The following CNOT7 variants were observed in gnomAD, a reference collection of about 807,000 sequenced individuals.
The protein encoded by CNOT7 is CCR4-NOT transcription complex subunit 7.
A neutral mutation model predicts 37.1 loss-of-function variants in CNOT7; 4 were observed. The observed-to-expected ratio is 0.11, with a 90% CI of 0.05 to 0.25. CNOT7 has a LOEUF of 0.25. CNOT7 is among the 10% of genes least tolerant of loss of function. The pLI, the probability that CNOT7 is intolerant of heterozygous loss-of-function variation, is 1.00. For synonymous variants in CNOT7, 128 were observed against 115.6 expected (o/e 1.11, Z -0.69); for missense variants, 170 against 336.2 (o/e 0.51, Z 3.87).
chr8:17,241,768 A>G (rs1210602194), intron 3 of CNOT7: 1 of 152,226 alleles, frequency 6.6e-6, no homozygotes, highest in Non-Finnish European at 1.5e-5. Flanking sequence ...CCACAGGCTA[A>G]TTGATAAAAA....
chr8:17,227,947 A>C lies in CNOT7; in HGVS notation c.*2773T>G, dbSNP rs1402723609. On this transcript the variant is annotated 3_prime_UTR_variant, in exon 7 of 7. Transcript: ENST00000361272. ...CATCACCATGATTCTGTAGCTTGCCAAGCGGCAATGTGAAACAAGACACAC... is the reference window on the plus strand; with the variant it reads ...CATCACCATGATTCTGTAGCTTGCCCAGCGGCAATGTGAAACAAGACACAC... 6.6e-6 allele frequency: 1 copy of C among 151,966 alleles called. No homozygotes were observed. The highest frequency in any genetic ancestry group is 1.5e-5 in the Non-Finnish European group (1 of 67,844). 9.4% of individuals were successfully genotyped at this position (151,966 alleles called of 1,614,324 possible). A position where few individuals can be genotyped will look rare whatever the true frequency, so the allele number is the denominator to read the frequency against.
At chr8:17,243,233 C>G in intron 2 of CNOT7, 48 bp from the exon 3 acceptor site, 1 of 1,410,878 alleles carries the variant, frequency 7.1e-7, no homozygotes, top group Non-Finnish European at 9.7e-7. Context: ...GTCAAAACTA[C>G]AATCCACACA....
intron 3 of CNOT7, among the ~76,000 whole-genome samples, chr8:17,237,839 G>A (rs1319090844): frequency 1.3e-5 from 2 of 152,218 alleles, no homozygotes; most frequent in Non-Finnish European, 2.9e-5. Context: ...AGACCCAGTG[G>A]AAAATGTCTC....
chr8:17,246,099 GCA>G (rs138791687), intron 1 of CNOT7: 3 of 151,662 alleles, frequency 2.0e-5, no homozygotes, highest in South Asian at 2.1e-4. Context: ...ACCCCGATAG[GCA>G]CACACACACA....
chr8:17,226,724 T>C lies in CNOT7; in HGVS notation c.*3996A>G, dbSNP rs1808181291. The stretch of plus-strand genomic sequence containing the variant: ...TAGCACAGAAAGTATATAAAGCAGC[T>C]TGACAATCTTAAGTTTTAGTTTTTA... On this transcript the variant is annotated 3_prime_UTR_variant, in exon 7 of 7. Transcript: ENST00000361272. 1 of 151,792 alleles carries C rather than the reference T, an allele frequency of 6.6e-6. No homozygotes were observed. The highest frequency in any genetic ancestry group is 6.6e-5 in the Admixed American group (1 of 15,216). 9.4% of individuals were successfully genotyped at this position (151,792 alleles called of 1,614,324 possible).
chr8:17,245,748 G>C (rs1469340074), intron 1 of CNOT7: 1 of 152,036 alleles, frequency 6.6e-6, no homozygotes, highest in African/African-American at 2.4e-5. Context: ...GTTTGTAAAT[G>C]CTCTGAGAAA....
At chr8:17,234,655 G>T (rs2959606) in intron 5 of CNOT7, 61 bp downstream of exon 5, 1,541,697 of 1,553,480 alleles carry the variant, frequency 0.99, 765,753 homozygotes, top group East Asian at 1. Context: ...GCCTAGGCTC[G>T]CATGACAGTC....
intron 4 of CNOT7, among the ~76,000 whole-genome samples, chr8:17,236,944 C>T: frequency 6.6e-6 from 1 of 152,192 alleles, no homozygotes; most frequent in South Asian, 2.1e-4. Context: ...AATGGCGCCG[C>T]TGGATTTAAA....
At chr8:17,243,579 T>TTCTCACA in intron 2 of CNOT7, 1 of 460,108 alleles carries the variant, frequency 2.2e-6, no homozygotes, top group Non-Finnish European at 4.4e-6. Context: ...CCCTGTACTT[T>TTCTCACA]CCAATTGCTT....
intron 3 of CNOT7, 134 bp downstream of exon 3, chr8:17,242,858 A>G: frequency 2.0e-6 from 1 of 498,566 alleles, no homozygotes; most frequent in South Asian, 4.5e-5. Context: ...CGCTTTTGAA[A>G]TGTTACGTTT....
rs2151022567 is a variant in CNOT7 at position 17,246,765 on chromosome 8, C to T, written c.-186G>A. 1 of 184,350 alleles carries T rather than the reference C, an allele frequency of 5.4e-6. No homozygotes were observed. The highest frequency in any genetic ancestry group is 1.1e-5 in the Non-Finnish European group (1 of 88,598). The allele number at this position is 184,350 out of a possible 1,614,324, so 11.4% of individuals were successfully genotyped here. ...GCGGTGGCGGTGGCGGTAGCGGCGG[C>T]GGCAGCGGGTGCCCCATAGACACCT... On this transcript the variant is annotated 5_prime_UTR_variant, in exon 1 of 7. Coordinates refer to ENST00000361272, the MANE Select transcript of CNOT7 (RefSeq NM_013354.7).
At position 17,226,805 on chromosome 8, in the gene CNOT7, A is replaced by AT. The variant is rs1808187626; in HGVS notation, c.*3914dup. ...TACCTTGTAATTTCAGGTCAAATTCATTAAGAAACATTTTCAAGTCTGTGG... is the reference window on the plus strand; with the variant it reads ...TACCTTGTAATTTCAGGTCAAATTCATTTAAGAAACATTTTCAAGTCTGTGG... On this transcript the variant is annotated 3_prime_UTR_variant, in exon 7 of 7. Coordinates refer to ENST00000361272, the MANE Select transcript of CNOT7 (RefSeq NM_013354.7). 2.6e-5 allele frequency: 4 copies of AT among 151,924 alleles called. No homozygotes were observed. The South Asian group carries it at 8.3e-4, about 31-fold the overall frequency. The allele number at this position is 151,924 out of a possible 1,614,324, so 9.4% of individuals were successfully genotyped here.
At chr8:17,246,628 C>T (rs376957930) in intron 1 of CNOT7, 47 bp downstream of exon 1, 1 of 157,670 alleles carries the variant, frequency 6.3e-6, no homozygotes, top group South Asian at 1.5e-4. Context: ...TTCTACTTCC[C>T]TAACCCGCCC....
Position 17,225,090 on chromosome 8 carries a change from C to T in CNOT7, c.*5630G>A, listed in dbSNP as rs764507270. ...ATATGGCATGAGTGAAACAGTTCCCCATTAAAAGCACTTAAAACCTATGAC... is the reference window on the plus strand; with the variant it reads ...ATATGGCATGAGTGAAACAGTTCCCTATTAAAAGCACTTAAAACCTATGAC... On this transcript the variant is annotated 3_prime_UTR_variant, in exon 7 of 7. Coordinates refer to ENST00000361272, the MANE Select transcript of CNOT7 (RefSeq NM_013354.7). 4.6e-5 allele frequency: 7 copies of T among 151,614 alleles called. No homozygotes were observed. The highest frequency in any genetic ancestry group is 1.3e-4 in the Admixed American group (2 of 15,190). 9.4% of individuals were successfully genotyped at this position (151,614 alleles called of 1,614,324 possible).
chr8:17,238,870 T>C (rs1259745741), intron 3 of CNOT7, among the ~76,000 whole-genome samples: 1 of 152,200 alleles, frequency 6.6e-6, no homozygotes, highest in African/African-American at 2.4e-5. Context: ...TTACTTAGAC[T>C]ACAAAGACAG....
At chr8:17,243,386 T>A in intron 2 of CNOT7, 1 of 641,344 alleles carries the variant, frequency 1.6e-6, no homozygotes, top group South Asian at 1.7e-5. Flanking sequence ...TTTCCTTAAA[T>A]ATATCCAAAA....
At chr8:17,242,214 T>C (rs1390252515) in intron 3 of CNOT7, 1 of 152,212 alleles carries the variant, frequency 6.6e-6, no homozygotes, top group Non-Finnish European at 1.5e-5. Context: ...AATTTTATTT[T>C]TTATGAAGGT....
intron 6 of CNOT7, 144 bp from the exon 7 acceptor site, chr8:17,230,992 T>C (rs1808525918): frequency 3.5e-6 from 2 of 569,380 alleles, no homozygotes; most frequent in East Asian, 3.0e-5. Flanking sequence ...AGGCTACGCA[T>C]TTCAGTTCAA....
At chr8:17,243,385 A>G (rs1456118192) in intron 2 of CNOT7, 200 bp from the exon 3 acceptor site, 2 of 640,506 alleles carry the variant, frequency 3.1e-6, no homozygotes, top group Non-Finnish European at 5.6e-6. Flanking sequence ...CTTTCCTTAA[A>G]TATATCCAAA....
Sources: allele counts gnomAD v4.1 joint callset (sites outside exome capture counted in the v4.1 genomes callset), GRCh38; gene constraint gnomAD v4.1.1; transcripts MANE v1.5; gene names NCBI Gene and HGNC (gene_info 2026-07-23, HGNC 2026-07-21).